The following GPR158 variants were observed in gnomAD, a reference collection of about 807,000 sequenced individuals.
GPR158 encodes the protein metabotropic glycine receptor.
A neutral mutation model predicts 78.2 loss-of-function variants in GPR158; 30 were observed. The observed-to-expected ratio is 0.38, with a 90% CI of 0.29 to 0.52. The LOEUF (loss-of-function observed/expected upper bound fraction) is 0.52. GPR158 is among the 20% of genes least tolerant of loss of function. GPR158 has a pLI of 0.83. For synonymous variants in GPR158, 581 were observed against 591.1 expected, an observed-to-expected ratio of 0.98 and a Z score of 0.25; for missense variants, 1,463 against 1,523.5, an observed-to-expected ratio of 0.96 and a Z score of 0.66.
At chr10:25,585,607 T>C (rs1160248263) in intron 7 of GPR158, among the ~76,000 whole-genome samples, 1 of 152,190 alleles carries the variant, frequency 6.6e-6, no homozygotes. Flanking sequence ...GATTACGATT[T>C]TTCCACCTGA....
chr10:25,211,202 C>T (rs1034431719), intron 1 of GPR158, among the ~76,000 whole-genome samples: 10 of 151,220 alleles, frequency 6.6e-5, no homozygotes, highest in Admixed American at 5.9e-4. Context: ...AAAATTTTGC[C>T]TTGTGTTTTA....
chr10:25,318,606 G>A (rs554669414), intron 2 of GPR158, among the ~76,000 whole-genome samples: 10 of 152,018 alleles, frequency 6.6e-5, no homozygotes, highest in Non-Finnish European at 1.2e-4. Context: ...GAGCTAATTT[G>A]ATGTTTGTAG....
intron 1 of GPR158, among the ~76,000 whole-genome samples, chr10:25,211,289 G>A (rs184567645): frequency 2.6e-5 from 4 of 152,234 alleles, no homozygotes; most frequent in Middle Eastern, 3.4e-3. Flanking sequence ...AATTTATAGA[G>A]ATTAAAATCA....
chr10:25,193,686 G>A (rs1310267276), intron 1 of GPR158, among the ~76,000 whole-genome samples: 1 of 152,100 alleles, frequency 6.6e-6, no homozygotes, highest in South Asian at 2.1e-4. Flanking sequence ...TGTCTTTATT[G>A]TAGCGTTTTA....
chr10:25,485,337 ATATT>A (rs1398443605), intron 5 of GPR158, among the ~76,000 whole-genome samples: 1 of 152,118 alleles, frequency 6.6e-6, no homozygotes, highest in Non-Finnish European at 1.5e-5. Context: ...AATAAAGTAG[ATATT>A]TAAAGAAAAT....
chr10:25,422,791 G>T (rs1393683484), intron 4 of GPR158, among the ~76,000 whole-genome samples: 1 of 151,512 alleles, frequency 6.6e-6, no homozygotes, highest in South Asian at 2.1e-4. Flanking sequence ...CTGAGATTTT[G>T]GTGCACCCAT....
chr10:25,264,543 A>C (rs527547028), intron 2 of GPR158, among the ~76,000 whole-genome samples: 1 of 152,336 alleles, frequency 6.6e-6, no homozygotes, highest in South Asian at 2.1e-4. Flanking sequence ...ACAGCATAAA[A>C]GAACCCAAGC....
At chr10:25,509,780 G>A (rs1281081487) in intron 5 of GPR158, among the ~76,000 whole-genome samples, 2 of 152,094 alleles carry the variant, frequency 1.3e-5, no homozygotes, top group Non-Finnish European at 1.5e-5. Context: ...GCAGTGGTGC[G>A]ATCTCCGCTC....
intron 1 of GPR158, among the ~76,000 whole-genome samples, chr10:25,179,518 G>A (rs977052182): frequency 6.6e-6 from 1 of 151,986 alleles, no homozygotes; most frequent in Non-Finnish European, 1.5e-5. Flanking sequence ...AACTTTAAAA[G>A]TAATATGTAG....
chr10:25,196,255 ATTC>A (rs1476349494), intron 1 of GPR158, among the ~76,000 whole-genome samples: 1 of 150,628 alleles, frequency 6.6e-6, no homozygotes, highest in Non-Finnish European at 1.5e-5. Context: ...GAGAGATTTT[ATTC>A]TTTTCTTTTT....
intron 2 of GPR158, among the ~76,000 whole-genome samples, chr10:25,223,135 T>G (rs918005048): frequency 3.3e-5 from 5 of 152,200 alleles, no homozygotes; most frequent in Non-Finnish European, 5.9e-5. Flanking sequence ...TTATAACTTT[T>G]GGGATTATAT....
chr10:25,211,418 C>T (rs1298064477), intron 1 of GPR158, among the ~76,000 whole-genome samples: 1 of 152,140 alleles, frequency 6.6e-6, no homozygotes, highest in African/African-American at 2.4e-5. Flanking sequence ...GCTGTGTCAT[C>T]TTGTGGCAGG....
At chr10:25,540,962 ATATATATATATATAT>A (rs1836573198) in intron 5 of GPR158, among the ~76,000 whole-genome samples, 2 of 147,376 alleles carry the variant, frequency 1.4e-5, no homozygotes, top group African/African-American at 2.5e-5. Flanking sequence ...ATATATATAT[ATATATATATATATAT>A]AAAGTTTATC....
At chr10:25,280,052 A>C (rs1854246558) in intron 2 of GPR158, among the ~76,000 whole-genome samples, 2 of 152,182 alleles carry the variant, frequency 1.3e-5, no homozygotes, top group East Asian at 3.8e-4. Context: ...AGCAATAAAA[A>C]AATTCCAAAA....
intron 2 of GPR158, among the ~76,000 whole-genome samples, chr10:25,392,421 G>A (rs1390562575): frequency 1.3e-5 from 2 of 152,236 alleles, no homozygotes; most frequent in Non-Finnish European, 2.9e-5. Flanking sequence ...TGGGCATAAT[G>A]TGCCTAGCAG....
At chr10:25,383,886 T>A (rs1238921963) in intron 2 of GPR158, among the ~76,000 whole-genome samples, 1 of 152,222 alleles carries the variant, frequency 6.6e-6, no homozygotes, top group Non-Finnish European at 1.5e-5. Context: ...AGCCACACCC[T>A]TGGGGTTGAA....
At chr10:25,319,488 A>T (rs1238163243) in intron 2 of GPR158, among the ~76,000 whole-genome samples, 1 of 152,184 alleles carries the variant, frequency 6.6e-6, no homozygotes, top group Non-Finnish European at 1.5e-5. Flanking sequence ...AGAATTTCTA[A>T]GAGAATCTCT....
At chr10:25,203,363 C>A (rs1852964280) in intron 1 of GPR158, among the ~76,000 whole-genome samples, 2 of 152,190 alleles carry the variant, frequency 1.3e-5, no homozygotes, top group South Asian at 4.1e-4. Context: ...CCTAGGTTTT[C>A]TTCAAGGGTT....
In GPR158 at chr10:25,601,564, A is replaced by G. The variant is rs949689629; in HGVS notation, c.*2290A>G. 1 of 152,642 alleles carries G rather than the reference A, an allele frequency of 6.6e-6. No individual in the cohort carries two copies. The highest frequency in any genetic ancestry group is 6.5e-5 in the Admixed American group (1 of 15,268). 9.5% of individuals were successfully genotyped at this position (152,642 alleles called of 1,614,324 possible). A position where few individuals can be genotyped will look rare whatever the true frequency, so the allele number is the denominator to read the frequency against. ...CCTGCTAGAGATGTGAGTTAAAAAG[A>G]CTTGCCAAATTATATCTTAGCGACA... is the stretch of plus-strand genomic sequence containing the variant. On this transcript the variant is annotated 3_prime_UTR_variant, in exon 11 of 11. Transcript: ENST00000376351.
Sources: gnomAD v4.1 joint callset for allele counts (sites outside exome capture counted in the v4.1 genomes callset) on GRCh38, gnomAD v4.1.1 for gene constraint, MANE v1.5 for transcripts, NCBI Gene and HGNC (gene_info 2026-07-23, HGNC 2026-07-21) for gene names.